Variants in TNKS observed in about 807,000 individuals in gnomAD.
TNKS encodes the protein poly [ADP-ribose] polymerase tankyrase-1.
A neutral mutation model predicts 135.8 loss-of-function variants in TNKS; 72 were observed. That is an observed-to-expected ratio of 0.53 (90% CI 0.44 to 0.64). The LOEUF is 0.64. TNKS is among the 30% of genes least tolerant of loss of function. The pLI, the probability that TNKS is intolerant of heterozygous loss-of-function variation, is 0.00. For missense variants in TNKS, 1,769 were observed against 1,674.0 expected (o/e 1.06, Z -0.99); for synonymous variants, 849 against 649.3 (o/e 1.31, Z -4.68).
intron 3 of TNKS, among the ~76,000 whole-genome samples, chr8:9,679,149 G>T (rs1036849008): frequency 6.6e-6 from 1 of 152,084 alleles, no homozygotes; most frequent in Admixed American, 6.5e-5. Context: ...TAGAATGGGG[G>T]AAAATTACCC....
intron 1 of TNKS, among the ~76,000 whole-genome samples, chr8:9,565,057 G>C (rs1008310804): frequency 1.3e-5 from 2 of 151,824 alleles, no homozygotes; most frequent in African/African-American, 2.4e-5. Context: ...GAAAGTTTTA[G>C]GTGTTTTGTT....
At chr8:9,588,870 T>C (rs1028512574) in intron 2 of TNKS, among the ~76,000 whole-genome samples, 1 of 152,160 alleles carries the variant, frequency 6.6e-6, no homozygotes, top group East Asian at 1.9e-4. Context: ...AAAAGTGATA[T>C]TGAAACCCCA....
At chr8:9,672,288 A>G (rs1802308865) in intron 3 of TNKS, among the ~76,000 whole-genome samples, 2 of 152,146 alleles carry the variant, frequency 1.3e-5, no homozygotes, top group Non-Finnish European at 2.9e-5. Flanking sequence ...CACTTACATA[A>G]TGGGGGACCT....
intron 25 of TNKS, among the ~76,000 whole-genome samples, chr8:9,769,126 C>A (rs1190944358): frequency 6.6e-6 from 1 of 152,232 alleles, no homozygotes; most frequent in Non-Finnish European, 1.5e-5. Context: ...GCAGGTCATA[C>A]AATCCCTGTC....
chr8:9,632,628 G>C (rs939667451), intron 3 of TNKS, among the ~76,000 whole-genome samples: 1 of 152,094 alleles, frequency 6.6e-6, no homozygotes, highest in Non-Finnish European at 1.5e-5. Context: ...CCTCTACTTA[G>C]CTGTCACCTC....
At chr8:9,740,088 C>T (rs1805857742) in intron 17 of TNKS, among the ~76,000 whole-genome samples, 2 of 138,614 alleles carry the variant, frequency 1.4e-5, no homozygotes, top group Non-Finnish European at 3.1e-5. Context: ...AAAGAAAGTC[C>T]AGAGTTATCC....
intron 9 of TNKS, among the ~76,000 whole-genome samples, chr8:9,708,937 A>G (rs1804186031): frequency 6.6e-6 from 1 of 152,172 alleles, no homozygotes; most frequent in Non-Finnish European, 1.5e-5. Context: ...AAAAATGGCA[A>G]GATCATGAAT....
At chr8:9,728,607 C>A (rs1332523111) in intron 13 of TNKS, among the ~76,000 whole-genome samples, 4 of 152,234 alleles carry the variant, frequency 2.6e-5, no homozygotes, top group Admixed American at 2.6e-4. Context: ...TGTCAGACTC[C>A]TTAGAGGGTG....
intron 7 of TNKS, 146 bp from the exon 8 acceptor site, chr8:9,706,665 C>T (rs1208357960): frequency 4.4e-6 from 3 of 679,456 alleles, no homozygotes; most frequent in Non-Finnish European, 6.9e-6. Context: ...TTAATTTCAG[C>T]TGTTTTTGAA....
rs573542439 is a variant in TNKS at position 9,667,684 on chromosome 8, G to A, written c.995-12267G>A. 1.8e-3 allele frequency among the ~76,000 whole-genome samples: 272 copies of A among 152,260 alleles called. 3 individuals are homozygous for A. The highest frequency in any genetic ancestry group is 6.1e-3 in the African/African-American group (253 of 41,550). ...GTGAGTGCAATTATGGTTTCCTCAAGAAGCACCAATTGTGATTTACTTCTT... is the reference window on the plus strand; with the variant it reads ...GTGAGTGCAATTATGGTTTCCTCAAAAAGCACCAATTGTGATTTACTTCTT... On this transcript the variant is annotated intron_variant, in intron 3 of 26. Coordinates refer to ENST00000310430, the MANE Select transcript of TNKS (RefSeq NM_003747.3).
At chr8:9,634,906 G>C (rs557183654) in intron 3 of TNKS, among the ~76,000 whole-genome samples, 3 of 152,270 alleles carry the variant, frequency 2.0e-5, no homozygotes, top group South Asian at 4.1e-4. Context: ...GGCCGGGCGC[G>C]GTGGCTCACT....
At chr8:9,662,698 A>G (rs1490361397) in intron 3 of TNKS, among the ~76,000 whole-genome samples, 1 of 152,218 alleles carries the variant, frequency 6.6e-6, no homozygotes. Context: ...ATACATATGT[A>G]ACAAACCTGC....
At chr8:9,574,766 G>C (rs1375778715) in intron 1 of TNKS, among the ~76,000 whole-genome samples, 2 of 151,246 alleles carry the variant, frequency 1.3e-5, no homozygotes, top group Non-Finnish European at 2.9e-5. Context: ...TGTTTTTTTT[G>C]GTAGCTGGAC....
intron 3 of TNKS, among the ~76,000 whole-genome samples, chr8:9,677,448 G>A (rs1412246118): frequency 6.6e-6 from 1 of 152,070 alleles, no homozygotes; most frequent in Non-Finnish European, 1.5e-5. Context: ...ATACTTTGCG[G>A]TTTTATTACC....
intron 3 of TNKS, among the ~76,000 whole-genome samples, chr8:9,675,379 A>G (rs1033587437): frequency 1.3e-5 from 2 of 152,230 alleles, no homozygotes; most frequent in African/African-American, 4.8e-5. Context: ...GGAATATAAG[A>G]GTCCCCACAT....
intron 20 of TNKS, among the ~76,000 whole-genome samples, chr8:9,759,858 C>G (rs1374939177): frequency 6.6e-6 from 1 of 151,984 alleles, no homozygotes; most frequent in Non-Finnish European, 1.5e-5. Flanking sequence ...GCCTGTAGTC[C>G]CAGCGACTTG....
At chr8:9,730,738 T>A in intron 13 of TNKS, 152 bp from the exon 14 acceptor site, 1 of 876,614 alleles carries the variant, frequency 1.1e-6, no homozygotes, top group Non-Finnish European at 1.7e-6. Context: ...AGTGCTGATT[T>A]CTAAACATTT....
At chr8:9,742,198 C>A (rs1805996622) in intron 17 of TNKS, among the ~76,000 whole-genome samples, 3 of 152,070 alleles carry the variant, frequency 2.0e-5, no homozygotes, top group East Asian at 3.9e-4. Flanking sequence ...TTGAGTCACT[C>A]AAAAATTTTT....
chr8:9,653,553 G>A (rs1184966685), intron 3 of TNKS, among the ~76,000 whole-genome samples: 1 of 151,856 alleles, frequency 6.6e-6, no homozygotes, highest in East Asian at 2.0e-4. Context: ...AAGACGCCAA[G>A]CATGAGAGGC....
Sources: allele counts gnomAD v4.1 joint callset (sites outside exome capture counted in the v4.1 genomes callset), GRCh38; gene constraint gnomAD v4.1.1; transcripts MANE v1.5; gene names NCBI Gene and HGNC (gene_info 2026-07-23, HGNC 2026-07-21).